The following GPHN variants were observed in gnomAD, a reference collection of about 807,000 sequenced individuals.
The protein encoded by GPHN is gephyrin.
In GPHN, 17 loss-of-function variants were observed where a neutral mutation model predicts 95.5. The ratio of observed to expected loss-of-function variants is 0.18; its 90% CI spans 0.12 to 0.27. The LOEUF (loss-of-function observed/expected upper bound fraction) is 0.27. Ranked by LOEUF, GPHN falls within the 10% of genes least tolerant of loss-of-function variation. GPHN has a pLI of 1.00. For missense variants in GPHN, 660 were observed against 978.1 expected, an observed-to-expected ratio of 0.67 and a Z score of 4.34; for synonymous variants, 320 against 322.5, an observed-to-expected ratio of 0.99 and a Z score of 0.08.
the GPHN span, chr14:67,340,202 C>A: frequency 2.3e-6 from 1 of 443,198 alleles, no homozygotes; most frequent in South Asian, 3.4e-5. Flanking sequence ...AAAAATCAAA[C>A]CTAAACAGTT....
the GPHN span, among the ~76,000 whole-genome samples, chr14:67,524,857 C>A: frequency 6.6e-6 from 1 of 152,170 alleles, no homozygotes. Flanking sequence ...CCAACTCCCC[C>A]AGGTCCCCAT....
At chr14:67,693,468 C>T in the GPHN span, among the ~76,000 whole-genome samples, 2 of 151,024 alleles carry the variant, frequency 1.3e-5, no homozygotes, top group South Asian at 4.2e-4. Flanking sequence ...TAATCCAATA[C>T]AAAAAGTTAA....
rs186250844 is a variant in GPHN at position 66,855,889 on chromosome 14, C to T, written c.295-24050C>T. On this transcript the variant is annotated intron_variant, in intron 4 of 22. Coordinates refer to ENST00000478722, the MANE Select transcript of GPHN (RefSeq NM_020806.5). The stretch of plus-strand genomic sequence containing the variant: ...TAAAGATATTACTGGAAATGTTATT[C>T]CAAGCCTGAAGTAGCCATTTGCCTA... 9.1e-4 allele frequency among the ~76,000 whole-genome samples: 138 copies of T among 152,134 alleles called. 1 individual carries two copies. The highest frequency in any genetic ancestry group is 3.1e-3 in the African/African-American group (127 of 41,520).
chr14:67,702,115 C>CT, the GPHN span, among the ~76,000 whole-genome samples: 1 of 151,854 alleles, frequency 6.6e-6, no homozygotes, highest in African/African-American at 2.4e-5. Flanking sequence ...CTGTGCCCAG[C>CT]TTTTTTAAAA....
the GPHN span, among the ~76,000 whole-genome samples, chr14:67,518,416 A>G: frequency 2.0e-5 from 3 of 152,256 alleles, no homozygotes; most frequent in African/African-American, 7.2e-5. Flanking sequence ...GAGAATGCAT[A>G]TAAGGTGCTT....
chr14:66,883,919 A>G (rs2064052288), intron 5 of GPHN, among the ~76,000 whole-genome samples: 3 of 152,046 alleles, frequency 2.0e-5, no homozygotes, highest in Admixed American at 2.0e-4. Context: ...AAATTAGAGA[A>G]TCCACCTTCT....
chr14:67,691,747 T>C, the GPHN span: 1 of 155,964 alleles, frequency 6.4e-6, no homozygotes, highest in African/African-American at 2.4e-5. Context: ...GCTTTTTCCT[T>C]GGAGGCCTAG....
chr14:67,442,420 T>C, the GPHN span, among the ~76,000 whole-genome samples: 445 of 152,266 alleles, frequency 2.9e-3, 1 homozygote, highest in Middle Eastern at 6.8e-3. Flanking sequence ...TATCTATTAA[T>C]AGAAAAATTG....
In GPHN at chr14:66,916,483, T is replaced by G. The variant is rs564095182; in HGVS notation, c.456+414T>G. Among the ~76,000 whole-genome samples the G allele has an allele frequency of 4.0e-4, 60 of 151,574 alleles. No homozygotes were observed. In the East Asian group the frequency reaches 9.7e-3, roughly 24 times the overall value. Reference sequence around the variant, plus strand: ...CTGAGTTTTTGATGTCCAGAGTTTTTTTTTTTTTTTTTGGTTTGGTTTTTT... The same window carrying G: ...CTGAGTTTTTGATGTCCAGAGTTTTGTTTTTTTTTTTTGGTTTGGTTTTTT... On this transcript the variant is annotated intron_variant, in intron 6 of 22. Transcript: ENST00000478722.
At chr14:67,303,161 G>A in the GPHN span, among the ~76,000 whole-genome samples, 1 of 152,164 alleles carries the variant, frequency 6.6e-6, no homozygotes, top group Non-Finnish European at 1.5e-5. Context: ...TCCATCATTG[G>A]AGAAAGTTCT....
chr14:66,550,694 A>AT (rs2059776837), intron 1 of GPHN, among the ~76,000 whole-genome samples: 1 of 152,172 alleles, frequency 6.6e-6, no homozygotes, highest in African/African-American at 2.4e-5. Flanking sequence ...TTGTGGTTTT[A>AT]TTTTAAGAAA....
chr14:67,238,273 T>C, the GPHN span, among the ~76,000 whole-genome samples: 78 of 110,512 alleles, frequency 7.1e-4, no homozygotes, highest in Admixed American at 1.8e-3. Flanking sequence ...TGCTTTCTTT[T>C]TTTTTTTTTT....
chr14:67,354,866 T>G, the GPHN span, among the ~76,000 whole-genome samples: 2 of 152,222 alleles, frequency 1.3e-5, no homozygotes, highest in Non-Finnish European at 2.9e-5. Flanking sequence ...CAGGCTAGAG[T>G]GCAATGGCGC....
chr14:67,197,394 G>C, the GPHN span: 2 of 152,116 alleles, frequency 1.3e-5, no homozygotes, highest in Non-Finnish European at 2.9e-5. Context: ...AACCATGTGG[G>C]CTGCATGGCC....
At chr14:67,502,641 G>A in the GPHN span, among the ~76,000 whole-genome samples, 3 of 151,628 alleles carry the variant, frequency 2.0e-5, no homozygotes, top group African/African-American at 4.8e-5. Flanking sequence ...TAGTAGAGAC[G>A]GCATTCCTCC....
At chr14:66,718,384 C>T (rs913830101) in intron 2 of GPHN, among the ~76,000 whole-genome samples, 6 of 152,130 alleles carry the variant, frequency 3.9e-5, no homozygotes, top group Admixed American at 3.9e-4. Flanking sequence ...CGTGGTCTCG[C>T]TGACTTCAGG....
At chr14:67,119,043 C>T (rs774351853) in intron 16 of GPHN, among the ~76,000 whole-genome samples, 2 of 152,040 alleles carry the variant, frequency 1.3e-5, no homozygotes, top group African/African-American at 2.4e-5. Flanking sequence ...AAGCAAAGTC[C>T]GAGCAGAGAT....
intron 3 of GPHN, among the ~76,000 whole-genome samples, chr14:66,780,847 A>G (rs1297382146): frequency 1.3e-5 from 2 of 152,214 alleles, no homozygotes; most frequent in African/African-American, 4.8e-5. Context: ...TACGGATGTA[A>G]TGTTCATTTC....
the GPHN span, among the ~76,000 whole-genome samples, chr14:67,581,313 G>A: frequency 2.0e-5 from 3 of 151,578 alleles, no homozygotes; most frequent in South Asian, 2.1e-4. Context: ...CATCTGCCAA[G>A]AAAACAGACC....
Sources: allele counts gnomAD v4.1 joint callset (sites outside exome capture counted in the v4.1 genomes callset), GRCh38; gene constraint gnomAD v4.1.1; transcripts MANE v1.5; gene names NCBI Gene and HGNC (gene_info 2026-07-23, HGNC 2026-07-21).